NT5DC1: variants seen among roughly 807,000 people sequenced by gnomAD.
NT5DC1 encodes the protein 5'-nucleotidase domain-containing protein 1.
In NT5DC1, 42 loss-of-function variants were observed where a neutral mutation model predicts 59.4. The observed-to-expected ratio is 0.71, with a 90% CI of 0.55 to 0.92. NT5DC1 has a LOEUF of 0.92. NT5DC1 is among the 40% of genes least tolerant of loss of function. The probability of loss-of-function intolerance (pLI) is 0.00; values close to 1 mark genes in which losing one functional copy is unlikely to be tolerated. For synonymous variants in NT5DC1, 172 were observed against 188.1 expected (o/e 0.91, Z 0.70); for missense variants, 501 against 537.1 (o/e 0.93, Z 0.66).
intron 6 of NT5DC1, among the ~76,000 whole-genome samples, chr6:116,191,370 G>A (rs929460185): frequency 6.6e-6 from 1 of 152,000 alleles, no homozygotes; most frequent in Non-Finnish European, 1.5e-5. Flanking sequence ...TGTACTTACT[G>A]TGTGATGGCC....
intron 10 of NT5DC1, 55 bp downstream of exon 10, chr6:116,238,403 T>A: frequency 1.5e-6 from 2 of 1,312,738 alleles, no homozygotes; most frequent in Non-Finnish European, 2.0e-6. Context: ...GTTTGAAAGC[T>A]AAAGTATCTT....
intron 6 of NT5DC1, among the ~76,000 whole-genome samples, chr6:116,178,219 A>C (rs769762457): frequency 1.6e-4 from 24 of 152,116 alleles, no homozygotes; most frequent in Non-Finnish European, 3.4e-4. Flanking sequence ...TGAAACCCAC[A>C]AGCTGAGGAT....
At chr6:116,192,460 T>C (rs1027273031) in intron 6 of NT5DC1, among the ~76,000 whole-genome samples, 6 of 152,078 alleles carry the variant, frequency 3.9e-5, no homozygotes, top group Non-Finnish European at 7.4e-5. Flanking sequence ...AGGGTTTAAC[T>C]ATATACAGAT....
At chr6:116,144,961 G>A (rs1259643186) in intron 6 of NT5DC1, among the ~76,000 whole-genome samples, 2 of 152,170 alleles carry the variant, frequency 1.3e-5, no homozygotes, top group Non-Finnish European at 2.9e-5. Flanking sequence ...TGCCAGCAGT[G>A]AAGAAGTGAT....
intron 6 of NT5DC1, among the ~76,000 whole-genome samples, chr6:116,208,639 T>C (rs1203022855): frequency 6.6e-6 from 1 of 152,052 alleles, no homozygotes; most frequent in African/African-American, 2.4e-5. Context: ...TCTTTCAACT[T>C]CCTTTGACAT....
At chr6:116,136,146 T>A (rs1350303618) in intron 6 of NT5DC1, among the ~76,000 whole-genome samples, 1 of 151,974 alleles carries the variant, frequency 6.6e-6, no homozygotes, top group Non-Finnish European at 1.5e-5. Context: ...TTCTATGAAT[T>A]TTGACTTTTT....
At chr6:116,160,051 A>G (rs1022357880) in intron 6 of NT5DC1, among the ~76,000 whole-genome samples, 1 of 152,094 alleles carries the variant, frequency 6.6e-6, no homozygotes, top group Non-Finnish European at 1.5e-5. Flanking sequence ...TGACTTTGCT[A>G]TTGTGAATAG....
chr6:116,198,254 A>G (rs1781276843), intron 6 of NT5DC1, among the ~76,000 whole-genome samples: 1 of 152,036 alleles, frequency 6.6e-6, no homozygotes. Context: ...ATTCAAAGCC[A>G]CGTAACTATT....
Position 116,108,404 on chromosome 6 carries a change from C to T in NT5DC1, c.226C>T (p.Leu76Phe), listed in dbSNP as rs1356962484. 6.2e-7 allele frequency: 1 copy of T among 1,609,858 alleles called. No individual in the cohort carries two copies. Among genetic ancestry groups the T allele is most frequent in the Non-Finnish European group, 8.5e-7 (1 of 1,176,290 alleles). The change falls in exon 3 of 12, where the codon CTT (leucine) becomes TTT (phenylalanine). Residue 76 changes from leucine (L) to phenylalanine (F), a missense_variant. Transcript: ENST00000319550. ...LALDLEDGNF[L>F]KLANNGTVLR... The stretch of plus-strand genomic sequence containing the variant: ...ATTGGATCTAGAAGATGGGAACTTC[C>T]TTAAACTTGCAAATAATGGCACTGT...
At chr6:116,120,064 T>TGG (rs200192272) in intron 6 of NT5DC1, 2 of 1,041,940 alleles carry the variant, frequency 1.9e-6, no homozygotes, top group Non-Finnish European at 1.3e-6. Flanking sequence ...AGATTAGCTC[T>TGG]GTGTGTACTC....
At chr6:116,199,744 T>C (rs1398193249) in intron 6 of NT5DC1, among the ~76,000 whole-genome samples, 4 of 152,012 alleles carry the variant, frequency 2.6e-5, no homozygotes, top group African/African-American at 9.7e-5. Context: ...TGGCTAATGC[T>C]GGAACAATTT....
chr6:116,102,269 G>A (rs1212011073), intron 1 of NT5DC1, among the ~76,000 whole-genome samples: 1 of 152,184 alleles, frequency 6.6e-6, no homozygotes, highest in African/African-American at 2.4e-5. Flanking sequence ...GGTCAAAAAA[G>A]AGTGGCTGCC....
chr6:116,105,019 G>A (rs1778742427), intron 1 of NT5DC1, among the ~76,000 whole-genome samples: 1 of 152,156 alleles, frequency 6.6e-6, no homozygotes, highest in Non-Finnish European at 1.5e-5. Context: ...TTGATATATA[G>A]TGTTAACATA....
Position 116,234,113 on chromosome 6 carries a change from A to G in NT5DC1, c.803-2853A>G, listed in dbSNP as rs560353855. Among the ~76,000 whole-genome samples, 4 of 149,642 alleles carry G rather than the reference A, an allele frequency of 2.7e-5. No homozygotes were observed. The Middle Eastern group carries it at 0.014, about 520-fold the overall frequency. Reference sequence around the variant, plus strand: ...GTAGCTGGGACTACAGGCACGCACCACCATGCCCGGCTAATTTTTTGTATT... The same window carrying G: ...GTAGCTGGGACTACAGGCACGCACCGCCATGCCCGGCTAATTTTTTGTATT... On this transcript the variant is annotated intron_variant, in intron 8 of 11. Coordinates refer to ENST00000319550, the MANE Select transcript of NT5DC1 (RefSeq NM_152729.3).
chr6:116,242,548 A>G (rs1771759353), intron 11 of NT5DC1, among the ~76,000 whole-genome samples: 1 of 152,112 alleles, frequency 6.6e-6, no homozygotes, highest in South Asian at 2.1e-4. Context: ...ATTAAGGGGA[A>G]AAATGATTAG....
intron 6 of NT5DC1, among the ~76,000 whole-genome samples, chr6:116,218,369 GTTT>G (rs1157330079): frequency 1.3e-5 from 2 of 152,092 alleles, no homozygotes; most frequent in Non-Finnish European, 2.9e-5. Flanking sequence ...GCAAGTCTAT[GTTT>G]TCAGCATTAC....
chr6:116,204,711 T>G (rs1337562361), intron 6 of NT5DC1, among the ~76,000 whole-genome samples: 1 of 151,990 alleles, frequency 6.6e-6, no homozygotes, highest in Non-Finnish European at 1.5e-5. Context: ...AAAGTACTGT[T>G]GTATTCATAT....
At chr6:116,177,876 G>C (rs1337454530) in intron 6 of NT5DC1, among the ~76,000 whole-genome samples, 1 of 152,112 alleles carries the variant, frequency 6.6e-6, no homozygotes, top group Non-Finnish European at 1.5e-5. Context: ...CAGGGAGGTT[G>C]GAAAGGAAAT....
intron 1 of NT5DC1, 50 bp downstream of exon 1, chr6:116,101,073 TG>T (rs1285909901): frequency 7.2e-7 from 1 of 1,382,874 alleles, no homozygotes; most frequent in East Asian, 2.6e-5. Context: ...CCATGGCGGC[TG>T]GGGCTTGAGT....
Sources: allele counts gnomAD v4.1 joint callset (sites outside exome capture counted in the v4.1 genomes callset), GRCh38; gene constraint gnomAD v4.1.1; transcripts MANE v1.5; gene names NCBI Gene and HGNC (gene_info 2026-07-23, HGNC 2026-07-21).